ANO1: variants seen among roughly 807,000 people sequenced by gnomAD.
ANO1 encodes anoctamin-1.
Under a neutral mutation model 124.0 loss-of-function variants are expected in ANO1, and 59 were observed. That is an observed-to-expected ratio of 0.48 (90% confidence interval 0.39 to 0.59). The LOEUF is 0.59. ANO1 is among the 20% of genes least tolerant of loss of function. The pLI is 0.00. For missense variants in ANO1, 1,059 were observed against 1,328.0 expected (o/e 0.80, Z 3.15); for synonymous variants, 529 against 532.0 (o/e 0.99, Z 0.08).
intron 12 of ANO1, among the ~76,000 whole-genome samples, chr11:70,150,137 G>C (rs748300406): frequency 2.4e-4 from 37 of 152,172 alleles, no homozygotes; most frequent in Non-Finnish European, 5.1e-4. Flanking sequence ...CACCACCCGT[G>C]GGGGTGGAGA....
chr11:69,998,390 G>A (rs1172678089), intron 1 of ANO1, among the ~76,000 whole-genome samples: 3 of 151,520 alleles, frequency 2.0e-5, no homozygotes, highest in African/African-American at 7.3e-5. Context: ...AAAAGCATGA[G>A]TGCAGATTCT....
chr11:70,098,564 C>T (rs2515288), intron 2 of ANO1, among the ~76,000 whole-genome samples: 31,236 of 152,066 alleles, frequency 0.21, 3,516 homozygotes, highest in African/African-American at 0.27. Context: ...ACAATGCCCT[C>T]CAGGGTATGA....
intron 10 of ANO1, among the ~76,000 whole-genome samples, chr11:70,126,834 A>G (rs2046534592): frequency 1.4e-5 from 2 of 140,266 alleles, no homozygotes; most frequent in Admixed American, 1.4e-4. Flanking sequence ...TGCTCCCAGG[A>G]GGTGAGACGT....
chr11:70,030,159 C>T (rs1438282654), intron 1 of ANO1, among the ~76,000 whole-genome samples: 5 of 152,216 alleles, frequency 3.3e-5, no homozygotes, highest in Non-Finnish European at 7.3e-5. Context: ...TGCTCAGTCT[C>T]CAAAAACACT....
At chr11:70,165,420 C>T (rs2048216748) in intron 19 of ANO1, 50 bp from the exon 20 acceptor site, 19 of 1,491,158 alleles carry the variant, frequency 1.3e-5, no homozygotes, top group East Asian at 4.8e-5. Flanking sequence ...GGGCTGGGGT[C>T]CCTCTCTCGG....
chr11:70,043,693 C>A (rs762172893), intron 1 of ANO1, among the ~76,000 whole-genome samples: 1 of 152,042 alleles, frequency 6.6e-6, no homozygotes, highest in African/African-American at 2.4e-5. Context: ...AGAAACAGAA[C>A]GCCAACCTAG....
At chr11:70,146,343 T>C (rs1250834862) in intron 11 of ANO1, among the ~76,000 whole-genome samples, 1 of 152,144 alleles carries the variant, frequency 6.6e-6, no homozygotes, top group Non-Finnish European at 1.5e-5. Context: ...TGAGATTGAC[T>C]GATATGTGTA....
At chr11:70,055,703 A>G (rs1158863501) in intron 1 of ANO1, among the ~76,000 whole-genome samples, 3 of 152,088 alleles carry the variant, frequency 2.0e-5, no homozygotes, top group East Asian at 3.8e-4. Flanking sequence ...TACAACCACT[A>G]TATTACTATA....
At chr11:70,156,080 T>G in intron 15 of ANO1, 92 bp downstream of exon 15, 2 of 466,084 alleles carry the variant, frequency 4.3e-6, no homozygotes, top group Non-Finnish European at 5.3e-6. Context: ...GTTGTATATA[T>G]TTTTTTTTAA....
At chr11:70,174,504 G>A (rs932549128) in intron 22 of ANO1, among the ~76,000 whole-genome samples, 1 of 152,194 alleles carries the variant, frequency 6.6e-6, no homozygotes, top group Non-Finnish European at 1.5e-5. Flanking sequence ...CAAGAGCAAG[G>A]CGAGATTGCA....
rs1057444431 is a variant in ANO1, at chr11:70,002,783, G to A, written c.58+16617G>A. ...GTCGAGCACTTCCTCTGTTGGAAAC[G>A]GCCAACAACCATTGAGGGTAAAGCA... is the stretch of plus-strand genomic sequence containing the variant. On this transcript the variant is annotated intron_variant, in intron 1 of 27. Transcript: ENST00000531349. Among the ~76,000 whole-genome samples, 5 of 152,096 alleles carry A rather than the reference G, an allele frequency of 3.3e-5. No individual in the cohort carries two copies. In the East Asian group the frequency reaches 9.6e-4, roughly 29 times the overall value.
At chr11:70,141,600 T>C (rs962410113) in intron 11 of ANO1, 1 of 152,098 alleles carries the variant, frequency 6.6e-6, no homozygotes, top group Non-Finnish European at 1.5e-5. Context: ...TTATTCTAAA[T>C]CAAGACAGGA....
chr11:70,163,643 T>A, intron 19 of ANO1: 1 of 590,470 alleles, frequency 1.7e-6, no homozygotes, highest in Non-Finnish European at 3.0e-6. Flanking sequence ...CTGGTTAAGA[T>A]GAATTAATGA....
chr11:70,052,947 T>C (rs1475785214), intron 1 of ANO1, among the ~76,000 whole-genome samples: 1 of 152,214 alleles, frequency 6.6e-6, no homozygotes, highest in African/African-American at 2.4e-5. Context: ...TCTCTCTTAG[T>C]AATGTTTGGT....
At chr11:70,148,152 G>C (rs893298531) in intron 11 of ANO1, among the ~76,000 whole-genome samples, 2 of 152,092 alleles carry the variant, frequency 1.3e-5, no homozygotes, top group Non-Finnish European at 2.9e-5. Context: ...GCTGCCTTCA[G>C]TTAAGGGCCA....
chr11:70,147,283 A>C (rs1357897535), intron 11 of ANO1, among the ~76,000 whole-genome samples: 1 of 152,206 alleles, frequency 6.6e-6, no homozygotes, highest in Non-Finnish European at 1.5e-5. Flanking sequence ...CCACTGCTCC[A>C]GAGCAGCTAC....
intron 1 of ANO1, among the ~76,000 whole-genome samples, chr11:70,026,882 C>T (rs1856918165): frequency 6.6e-6 from 1 of 152,210 alleles, no homozygotes; most frequent in Non-Finnish European, 1.5e-5. Flanking sequence ...ACACTGGCCA[C>T]CTTAACACCA....
At chr11:70,118,507 T>G (rs571131776) in intron 8 of ANO1, among the ~76,000 whole-genome samples, 39 of 150,662 alleles carry the variant, frequency 2.6e-4, no homozygotes, top group Non-Finnish European at 4.7e-4. Context: ...ATGGATGGAT[T>G]AATGGATGAT....
intron 8 of ANO1, among the ~76,000 whole-genome samples, chr11:70,117,596 C>A (rs1031974180): frequency 6.6e-6 from 1 of 152,264 alleles, no homozygotes; most frequent in African/African-American, 2.4e-5. Flanking sequence ...GCCTTCCCCC[C>A]AGGTCTCCAC....
Sources: gnomAD v4.1 joint callset for allele counts (sites outside exome capture counted in the v4.1 genomes callset) on GRCh38, gnomAD v4.1.1 for gene constraint, MANE v1.5 for transcripts, NCBI Gene and HGNC (gene_info 2026-07-23, HGNC 2026-07-21) for gene names.